The following SNTB1 variants were observed in gnomAD, a reference collection of about 807,000 sequenced individuals.
SNTB1 encodes the protein syntrophin beta 1, also known as beta-1-syntrophin.
In SNTB1, 36 loss-of-function variants were observed where a neutral mutation model predicts 48.9. The observed-to-expected ratio is 0.74, with a 90% confidence interval of 0.56 to 0.97. SNTB1 has a LOEUF of 0.97. Among genes scored for constraint, SNTB1 ranks in the 50% least tolerant of loss-of-function variants. The probability of loss-of-function intolerance (pLI) is 0.00; values close to 1 mark genes in which losing one functional copy is unlikely to be tolerated. For synonymous variants in SNTB1, 299 were observed against 294.6 expected (o/e 1.01, Z -0.15); for missense variants, 786 against 703.4 (o/e 1.12, Z -1.33).
At chr8:120,592,629 A>T (rs1816260317) in intron 3 of SNTB1, among the ~76,000 whole-genome samples, 1 of 152,186 alleles carries the variant, frequency 6.6e-6, no homozygotes, top group South Asian at 2.1e-4. Flanking sequence ...ACTTTGTGAC[A>T]AGCAGAAGTA....
chr8:120,617,956 A>G (rs1415122959), intron 3 of SNTB1, among the ~76,000 whole-genome samples: 1 of 152,220 alleles, frequency 6.6e-6, no homozygotes, highest in African/African-American at 2.4e-5. Context: ...GGGTGTTGCT[A>G]AGAAAGGCAG....
intron 1 of SNTB1, among the ~76,000 whole-genome samples, chr8:120,767,245 C>T (rs992780342): frequency 1.3e-5 from 2 of 152,066 alleles, no homozygotes; most frequent in African/African-American, 2.4e-5. Flanking sequence ...TTAGCATCAG[C>T]GCTTATGTTG....
intron 2 of SNTB1, among the ~76,000 whole-genome samples, chr8:120,685,966 T>G (rs528546806): frequency 6.6e-6 from 1 of 152,338 alleles, no homozygotes; most frequent in South Asian, 2.1e-4. Context: ...ATAATGAGGA[T>G]GGCCTTTCCT....
chr8:120,640,072 TCTC>T (rs756905620), intron 2 of SNTB1, among the ~76,000 whole-genome samples: 5 of 151,718 alleles, frequency 3.3e-5, no homozygotes, highest in Non-Finnish European at 5.9e-5. Context: ...GGTTTGTAGT[TCTC>T]CTTGAAGAGG....
chr8:120,594,002 T>C (rs562494211), intron 3 of SNTB1, among the ~76,000 whole-genome samples: 1 of 152,302 alleles, frequency 6.6e-6, no homozygotes, highest in African/African-American at 2.4e-5. Flanking sequence ...TTGATACTTT[T>C]GTTATGTATT....
At chr8:120,777,193 G>A (rs1187064981) in intron 1 of SNTB1, among the ~76,000 whole-genome samples, 3 of 152,132 alleles carry the variant, frequency 2.0e-5, no homozygotes, top group Non-Finnish European at 4.4e-5. Flanking sequence ...GGAAATAGTT[G>A]GTTAAACAAA....
At chr8:120,630,164 A>G (rs542746509) in intron 3 of SNTB1, among the ~76,000 whole-genome samples, 2 of 152,086 alleles carry the variant, frequency 1.3e-5, no homozygotes, top group Non-Finnish European at 2.9e-5. Flanking sequence ...TACCTTTCCC[A>G]TCCTTCTCTG....
At chr8:120,638,884 T>C (rs372302878) in intron 2 of SNTB1, among the ~76,000 whole-genome samples, 16 of 152,374 alleles carry the variant, frequency 1.1e-4, no homozygotes, top group African/African-American at 3.1e-4. Flanking sequence ...TGTATCTTTA[T>C]AGCAGCATGA....
At chr8:120,597,591 C>A (rs1816346422) in intron 3 of SNTB1, among the ~76,000 whole-genome samples, 2 of 152,200 alleles carry the variant, frequency 1.3e-5, no homozygotes, top group African/African-American at 4.8e-5. Flanking sequence ...AAAGAAGGAT[C>A]CTAATGCATG....
At chr8:120,704,556 A>G (rs1285324427) in intron 1 of SNTB1, among the ~76,000 whole-genome samples, 1 of 152,226 alleles carries the variant, frequency 6.6e-6, no homozygotes, top group African/African-American at 2.4e-5. Context: ...TTCATAAAGA[A>G]AAAAGATAAG....
At chr8:120,730,989 C>T (rs1264240379) in intron 1 of SNTB1, among the ~76,000 whole-genome samples, 1 of 152,010 alleles carries the variant, frequency 6.6e-6, no homozygotes, top group Admixed American at 6.6e-5. Context: ...GGTGTGGTGG[C>T]AAGCACCTGT....
At position 120,789,062 on chromosome 8, in the gene SNTB1, T is replaced by C. The variant is rs971837132; in HGVS notation, c.571+22211A>G. Among the ~76,000 whole-genome samples the C allele has an allele frequency of 3.9e-5, 6 of 152,010 alleles. No individual in the cohort carries two copies. The South Asian group carries it at 8.3e-4, about 21-fold the overall frequency. On this transcript the variant is annotated intron_variant, in intron 1 of 6. Coordinates refer to ENST00000517992, the MANE Select transcript of SNTB1 (RefSeq NM_021021.4). ...AGTATCTTCTCAGAGCACAGCAGAA[T>C]AAAATTAGAAATCAATTCCAAAAGT...
chr8:120,668,929 G>T (rs561566010), intron 2 of SNTB1, among the ~76,000 whole-genome samples: 5 of 152,180 alleles, frequency 3.3e-5, no homozygotes, highest in Non-Finnish European at 7.3e-5. Context: ...ATAATAGAAA[G>T]TTGGCTCAAC....
rs867403549 is a variant in SNTB1 at position 120,677,080 on chromosome 8, C to T, written c.788+16612G>A. Among the ~76,000 whole-genome samples the T allele has an allele frequency of 3.9e-3, 540 of 137,684 alleles. 1 individual carries two copies. Among genetic ancestry groups the T allele is most frequent in the African/African-American group, 0.014 (502 of 36,646 alleles). The allele number at this position is 137,684 out of a possible 152,430, so 90.3% of individuals were successfully genotyped here. A position where few individuals can be genotyped will look rare whatever the true frequency, so the allele number is the denominator to read the frequency against. On this transcript the variant is annotated intron_variant, in intron 2 of 6. Coordinates refer to ENST00000517992, the MANE Select transcript of SNTB1 (RefSeq NM_021021.4). The stretch of plus-strand genomic sequence containing the variant: ...CCCTATCTCAAAAAAAAAAAAAAAA[C>T]TTTATACACAGAGATAATAATAGAT...
At chr8:120,711,229 A>C (rs1309687508) in intron 1 of SNTB1, among the ~76,000 whole-genome samples, 1 of 152,178 alleles carries the variant, frequency 6.6e-6, no homozygotes, top group Non-Finnish European at 1.5e-5. Context: ...TGGTTAACTG[A>C]ATCTAGGTAT....
intron 4 of SNTB1, among the ~76,000 whole-genome samples, chr8:120,562,580 T>C (rs1815678225): frequency 6.6e-6 from 1 of 152,172 alleles, no homozygotes; most frequent in Non-Finnish European, 1.5e-5. Flanking sequence ...AATTTCTTCA[T>C]GTCACCCCAG....
intron 1 of SNTB1, among the ~76,000 whole-genome samples, chr8:120,781,090 C>G (rs1819824236): frequency 6.6e-6 from 1 of 152,214 alleles, no homozygotes; most frequent in African/African-American, 2.4e-5. Context: ...GAGAATGAGA[C>G]TCCAAAAGAG....
intron 1 of SNTB1, among the ~76,000 whole-genome samples, chr8:120,762,560 G>A (rs549824190): frequency 2.0e-3 from 298 of 152,270 alleles, no homozygotes; most frequent in African/African-American, 6.9e-3. Context: ...TTGCAATCCA[G>A]CTGCTATTCA....
At chr8:120,741,240 CTTTGT>C (rs1260054330) in intron 1 of SNTB1, among the ~76,000 whole-genome samples, 2 of 152,194 alleles carry the variant, frequency 1.3e-5, no homozygotes, top group Admixed American at 6.5e-5. Flanking sequence ...GATTTTCTTT[CTTTGT>C]TTTAAGCATT....
Sources: gnomAD v4.1 joint callset for allele counts (sites outside exome capture counted in the v4.1 genomes callset) on GRCh38, gnomAD v4.1.1 for gene constraint, MANE v1.5 for transcripts, NCBI Gene and HGNC (gene_info 2026-07-23, HGNC 2026-07-21) for gene names.